Variants in CTBP2 observed in about 807,000 individuals in gnomAD.
CTBP2 encodes C-terminal binding protein 2, also known as C-terminal-binding protein 2.
In CTBP2, 30 loss-of-function variants were observed where a neutral mutation model predicts 80.3. The ratio of observed to expected loss-of-function variants is 0.37; its 90% confidence interval spans 0.28 to 0.51. The LOEUF (loss-of-function observed/expected upper bound fraction) is 0.51. Ranked by LOEUF, CTBP2 falls within the 20% of genes least tolerant of loss-of-function variation. The pLI, the probability that CTBP2 is intolerant of heterozygous loss-of-function variation, is 0.93. For missense variants in CTBP2, 1,212 were observed against 1,375.3 expected, an observed-to-expected ratio of 0.88 and a Z score of 1.88; for synonymous variants, 594 against 587.4, an observed-to-expected ratio of 1.01 and a Z score of -0.16.
intron 1 of CTBP2, among the ~76,000 whole-genome samples, chr10:125,015,632 C>G (rs563161572): frequency 1.8e-4 from 27 of 152,202 alleles, no homozygotes; most frequent in Non-Finnish European, 3.5e-4. Context: ...ATGGGCTGGC[C>G]TCAGTGCTCC....
At chr10:125,087,178 G>A (rs1271829039) in intron 2 of CTBP2, among the ~76,000 whole-genome samples, 2 of 151,226 alleles carry the variant, frequency 1.3e-5, no homozygotes, top group Non-Finnish European at 2.9e-5. Context: ...GGGTTCAAGC[G>A]AGTCTCCCGC....
At chr10:125,063,449 G>A (rs912592899) in intron 2 of CTBP2, among the ~76,000 whole-genome samples, 1 of 152,168 alleles carries the variant, frequency 6.6e-6, no homozygotes, top group African/African-American at 2.4e-5. Flanking sequence ...GGACACCCCA[G>A]GATAACACCC....
At chr10:125,153,596 T>C (rs1441637182) in intron 1 of CTBP2, among the ~76,000 whole-genome samples, 1 of 152,050 alleles carries the variant, frequency 6.6e-6, no homozygotes, top group Non-Finnish European at 1.5e-5. Flanking sequence ...CTCTCCACCC[T>C]CCCGCTGCCA....
intron 2 of CTBP2, among the ~76,000 whole-genome samples, chr10:125,048,636 C>T (rs1015233305): frequency 1.3e-5 from 2 of 152,108 alleles, no homozygotes; most frequent in African/African-American, 2.4e-5. Flanking sequence ...GTGGAGTCCC[C>T]GACCCCAGGG....
chr10:125,007,949 G>T (rs1398519354), intron 1 of CTBP2, among the ~76,000 whole-genome samples: 1 of 150,888 alleles, frequency 6.6e-6, no homozygotes, highest in African/African-American at 2.4e-5. Flanking sequence ...GCTGGCTCTG[G>T]CTTTTTTTTT....
upstream of CTBP2, among the ~76,000 whole-genome samples, chr10:125,028,942 A>C (rs1411247800): frequency 1.3e-5 from 2 of 152,248 alleles, no homozygotes; most frequent in Non-Finnish European, 2.9e-5. Flanking sequence ...CCGAAGTATT[A>C]AGACATTTCC....
intron 2 of CTBP2, among the ~76,000 whole-genome samples, chr10:125,070,697 G>C (rs1845338141): frequency 6.6e-6 from 1 of 151,918 alleles, no homozygotes; most frequent in Non-Finnish European, 1.5e-5. Context: ...AGGGAGTCTC[G>C]TTCTGTTGCC....
intron 1 of CTBP2, among the ~76,000 whole-genome samples, chr10:125,007,228 A>G (rs1463508557): frequency 6.6e-6 from 1 of 152,108 alleles, no homozygotes; most frequent in Non-Finnish European, 1.5e-5. Context: ...GTAGAGCAGA[A>G]AGCCCTGCCG....
chr10:125,080,632 G>A (rs377450778), intron 2 of CTBP2, among the ~76,000 whole-genome samples: 9 of 152,292 alleles, frequency 5.9e-5, no homozygotes, highest in African/African-American at 2.2e-4. Flanking sequence ...AATTTAAAAA[G>A]GGGGAAAAAT....
chr10:125,063,762 G>A (rs1351232689), intron 2 of CTBP2, among the ~76,000 whole-genome samples: 1 of 152,208 alleles, frequency 6.6e-6, no homozygotes, highest in Non-Finnish European at 1.5e-5. Flanking sequence ...ATTCATGTAG[G>A]ACAAACTTCC....
At chr10:125,080,665 T>C (rs1005851552) in intron 2 of CTBP2, among the ~76,000 whole-genome samples, 1 of 152,176 alleles carries the variant, frequency 6.6e-6, no homozygotes, top group African/African-American at 2.4e-5. Flanking sequence ...AATCCATGCA[T>C]ACAGCAGCTG....
rs535020710 is a variant in CTBP2, at chr10:125,027,750, G to A, written c.10C>T (p.Pro4Ser). ...CGACCAATATTTATATGCCTGCTGG[G>A]AACTGGCATTGGAAAAAAAATGACT... is the stretch of plus-strand genomic sequence containing the variant. The change falls in exon 1 of 9, where the codon CCC (proline) becomes TCC (serine). Residue 4 changes from proline to serine, a missense_variant. This residue lies in a region of CTBP2 where 848 missense variants were observed against 782.3 expected (regional missense o/e 1.08). Coordinates refer to ENST00000309035, the MANE Select transcript of CTBP2 (RefSeq NM_022802.3). 1 of 1,581,256 alleles carries A rather than the reference G, an allele frequency of 6.3e-7. No individual in the cohort carries two copies. Among genetic ancestry groups the A allele is most frequent in the East Asian group, 2.3e-5 (1 of 43,842 alleles).
At chr10:125,003,551 G>C in intron 1 of CTBP2, 59 bp from the exon 4 acceptor site, 2 of 1,364,042 alleles carry the variant, frequency 1.5e-6, no homozygotes, top group East Asian at 2.4e-5. Flanking sequence ...AGGGTGCGTG[G>C]AGGGGCAGCT....
At chr10:125,086,317 A>C (rs1237198661) in intron 2 of CTBP2, among the ~76,000 whole-genome samples, 1 of 152,168 alleles carries the variant, frequency 6.6e-6, no homozygotes, top group Non-Finnish European at 1.5e-5. Context: ...GGATCACCTG[A>C]GGTCAGGAGT....
In CTBP2 at chr10:124,993,285, G is replaced by C. The variant is rs1429548605; in HGVS notation, c.2576C>G (p.Thr859Ser). The C allele has an allele frequency of 2.5e-6, 4 of 1,610,750 alleles. No individual in the cohort carries two copies. The Admixed American group carries it at 6.7e-5, about 27-fold the overall frequency. Residue 859 changes from threonine to serine, a missense_variant, in exon 7 of 9, where the codon ACT (threonine) becomes AGT (serine). Transcript: ENST00000309035. ...CTCACTGTACCAGGCAGTGTGAGGAGTGCAGATGAGATTCGGGGCATCTTT... is the reference window on the plus strand; with the variant it reads ...CTCACTGTACCAGGCAGTGTGAGGACTGCAGATGAGATTCGGGGCATCTTT...
intron 1 of CTBP2, among the ~76,000 whole-genome samples, chr10:125,005,335 G>A (rs2134310168): frequency 6.6e-6 from 1 of 152,284 alleles, no homozygotes; most frequent in South Asian, 2.1e-4. Flanking sequence ...AGAAATCATG[G>A]CCCCTCTCAG....
intron 1 of CTBP2, among the ~76,000 whole-genome samples, chr10:125,152,450 G>A (rs1180590091): frequency 2.6e-5 from 4 of 152,232 alleles, no homozygotes; most frequent in Non-Finnish European, 5.9e-5. Flanking sequence ...AGGCGCCCCA[G>A]GCCCCCCACA....
intron 4 of CTBP2, among the ~76,000 whole-genome samples, chr10:124,995,382 C>T (rs1202703532): frequency 6.6e-6 from 1 of 152,224 alleles, no homozygotes; most frequent in Non-Finnish European, 1.5e-5. Context: ...TTTCATAAAC[C>T]CATGGGGTCC....
Position 125,027,614 on chromosome 10 carries a change from G to C in CTBP2, c.146C>G (p.Thr49Ser). 1 of 1,614,038 alleles carries C rather than the reference G, an allele frequency of 6.2e-7. No homozygotes were observed. Among genetic ancestry groups the C allele is most frequent in the Non-Finnish European group, 8.5e-7 (1 of 1,180,026 alleles). Residue 49 changes from threonine to serine, a missense_variant, in exon 1 of 9, where the codon ACT becomes AGT. Physicochemically the swap from Thr to Ser is moderately conservative, Grantham distance 58 (BLOSUM62 1). Around this residue, in one of 3 missense-constraint regions of CTBP2, gnomAD observed 848 missense variants for 782.3 expected, o/e 1.08. Transcript: ENST00000309035. Reference sequence around the variant, plus strand: ...TGGTCGGTGGTTTGGCTCAAACCAAGTCCCCTCTGCTGTGCCATACGTCAG... The same window carrying C: ...TGGTCGGTGGTTTGGCTCAAACCAACTCCCCTCTGCTGTGCCATACGTCAG...
Sources: gnomAD v4.1 joint callset for allele counts (sites outside exome capture counted in the v4.1 genomes callset) on GRCh38, gnomAD v4.1.1 for gene constraint, gnomAD v4.1.1 regional missense constraint, MANE v1.5 for transcripts, NCBI Gene and HGNC (gene_info 2026-07-23, HGNC 2026-07-21) for gene names.